The following SPAG16 variants were observed in gnomAD, a reference collection of about 807,000 sequenced individuals.
SPAG16 encodes sperm associated antigen 16.
Under a neutral mutation model 80.4 loss-of-function variants are expected in SPAG16, and 86 were observed. That is an observed-to-expected ratio of 1.07 (90% CI 0.90 to 1.28). The LOEUF is 1.28. Among genes scored for constraint, SPAG16 ranks in the 50% most tolerant of loss-of-function variants. The pLI is 0.00. For missense variants in SPAG16, 870 were observed against 765.3 expected, an observed-to-expected ratio of 1.14 and a Z score of -1.61; for synonymous variants, 294 against 265.9, an observed-to-expected ratio of 1.11 and a Z score of -1.03.
At chr2:213,933,022 G>T (rs2078835662) in intron 12 of SPAG16, among the ~76,000 whole-genome samples, 1 of 143,024 alleles carries the variant, frequency 7.0e-6, no homozygotes, top group African/African-American at 2.5e-5. Flanking sequence ...TTGGCACATG[G>T]TGGTTTACTT....
chr2:213,859,216 A>AAAAAAAAT (rs1559528013), intron 10 of SPAG16, among the ~76,000 whole-genome samples: 2 of 91,978 alleles, frequency 2.2e-5, no homozygotes, highest in Non-Finnish European at 4.5e-5. Context: ...AAAAAAAAAA[A>AAAAAAAAT]CTCAATGTCC....
Position 213,599,106 on chromosome 2 carries a change from A to G in SPAG16, c.1070+109016A>G, listed in dbSNP as rs560975540. On this transcript the variant is annotated intron_variant, in intron 10 of 15. Transcript: ENST00000331683. ...TAGTCACAACTAAAATATTCTTTCC[A>G]GAATTTAAAGACTTGAAAAACAAAT... Among the ~76,000 whole-genome samples, 9 of 152,346 alleles carry G rather than the reference A, an allele frequency of 5.9e-5. No homozygotes were observed. In the East Asian group the frequency reaches 1.2e-3, roughly 20 times the overall value.
At chr2:213,854,705 A>C (rs1156569648) in intron 10 of SPAG16, among the ~76,000 whole-genome samples, 1 of 152,214 alleles carries the variant, frequency 6.6e-6, no homozygotes, top group African/African-American at 2.4e-5. Flanking sequence ...TACCTGACAA[A>C]ATTCTTGATA....
chr2:213,602,156 G>GGGTT (rs1290540239), intron 10 of SPAG16, among the ~76,000 whole-genome samples: 5 of 152,208 alleles, frequency 3.3e-5, no homozygotes, highest in African/African-American at 4.8e-5. Flanking sequence ...TCTGTGGACT[G>GGGTT]GGGTTGGGAC....
chr2:213,808,933 G>GCA, intron 10 of SPAG16, among the ~76,000 whole-genome samples: 1 of 152,150 alleles, frequency 6.6e-6, no homozygotes, highest in Non-Finnish European at 1.5e-5. Flanking sequence ...GAAAAAAAAT[G>GCA]CACATCATAG....
At chr2:213,343,791 G>T (rs2064817868) in intron 6 of SPAG16, among the ~76,000 whole-genome samples, 1 of 152,006 alleles carries the variant, frequency 6.6e-6, no homozygotes, top group Non-Finnish European at 1.5e-5. Context: ...GATCCAACTG[G>T]TGCACAAAGA....
At chr2:213,502,772 G>T (rs2074798211) in intron 10 of SPAG16, among the ~76,000 whole-genome samples, 1 of 152,176 alleles carries the variant, frequency 6.6e-6, no homozygotes, top group African/African-American at 2.4e-5. Flanking sequence ...TATAGCAGTT[G>T]CCCACTTTCC....
intron 10 of SPAG16, among the ~76,000 whole-genome samples, chr2:213,838,347 A>G (rs1165862690): frequency 6.6e-6 from 1 of 151,936 alleles, no homozygotes; most frequent in Non-Finnish European, 1.5e-5. Context: ...ATTTTTTTGT[A>G]TTTTTAGTAG....
intron 10 of SPAG16, among the ~76,000 whole-genome samples, chr2:213,776,415 G>GA (rs1008479292): frequency 2.6e-5 from 4 of 152,188 alleles, no homozygotes; most frequent in Non-Finnish European, 5.9e-5. Context: ...AGAGCACTCA[G>GA]AAAAACATGA....
chr2:213,667,933 C>CTATT (rs368610907), intron 10 of SPAG16, among the ~76,000 whole-genome samples: 2,988 of 150,586 alleles, frequency 0.02, 45 homozygotes, highest in African/African-American at 0.038. Context: ...AAAAATTCTA[C>CTATT]TATTTATTTA....
intron 10 of SPAG16, among the ~76,000 whole-genome samples, chr2:213,583,583 C>G (rs2060365134): frequency 6.6e-6 from 1 of 151,978 alleles, no homozygotes; most frequent in African/African-American, 2.4e-5. Flanking sequence ...GTGTTAGAGG[C>G]AAATAACAGA....
intron 12 of SPAG16, among the ~76,000 whole-genome samples, chr2:213,942,037 C>T (rs1435595682): frequency 6.6e-6 from 1 of 152,036 alleles, no homozygotes; most frequent in Non-Finnish European, 1.5e-5. Context: ...TTGTTTACAC[C>T]ATTTTTTTTG....
At chr2:213,812,571 G>A (rs963042989) in intron 10 of SPAG16, among the ~76,000 whole-genome samples, 1 of 152,140 alleles carries the variant, frequency 6.6e-6, no homozygotes, top group African/African-American at 2.4e-5. Context: ...GAGGGTGCAG[G>A]GCAGTGCATT....
intron 10 of SPAG16, among the ~76,000 whole-genome samples, chr2:213,673,141 T>C (rs1157111137): frequency 2.0e-5 from 3 of 152,168 alleles, no homozygotes; most frequent in Non-Finnish European, 4.4e-5. Context: ...ACCCAAAACC[T>C]ACCACACTCA....
Position 213,567,245 on chromosome 2 carries a change from A to G in SPAG16, c.1070+77155A>G, listed in dbSNP as rs368599870. ...TGTTTGACATTGTTTTTTTTTTTTT[A>G]TTATACTCTAAGTTTTAGGGTACAT... is the stretch of plus-strand genomic sequence containing the variant. On this transcript the variant is annotated intron_variant, in intron 10 of 15. Coordinates refer to ENST00000331683, the MANE Select transcript of SPAG16 (RefSeq NM_024532.5). Among the ~76,000 whole-genome samples the G allele has an allele frequency of 1.6e-3, 69 of 42,482 alleles. 1 individual carries two copies. The highest frequency in any genetic ancestry group is 6.5e-3 in the African/African-American group (58 of 8,980). The allele number at this position is 42,482 out of a possible 152,430, so 27.9% of individuals were successfully genotyped here.
intron 9 of SPAG16, among the ~76,000 whole-genome samples, chr2:213,485,070 C>T (rs754305535): frequency 7.3e-5 from 11 of 151,320 alleles, no homozygotes; most frequent in Non-Finnish European, 1.2e-4. Flanking sequence ...TCCTGGCTCA[C>T]TGCAACCTTC....
At chr2:213,778,403 A>G (rs2069734470) in intron 10 of SPAG16, among the ~76,000 whole-genome samples, 1 of 152,220 alleles carries the variant, frequency 6.6e-6, no homozygotes, top group African/African-American at 2.4e-5. Flanking sequence ...CTAAAGTCAA[A>G]TAATCTTTGA....
intron 10 of SPAG16, among the ~76,000 whole-genome samples, chr2:213,775,673 G>A (rs924420719): frequency 7.2e-5 from 11 of 152,034 alleles, no homozygotes; most frequent in African/African-American, 1.7e-4. Context: ...TCTACTCTCC[G>A]CTTTTATGAG....
chr2:214,125,503 GT>G (rs2054429990), intron 14 of SPAG16, among the ~76,000 whole-genome samples: 1 of 151,506 alleles, frequency 6.6e-6, no homozygotes. Flanking sequence ...AAATATGATT[GT>G]TTTACTAGTG....
Sources: allele counts gnomAD v4.1 joint callset (sites outside exome capture counted in the v4.1 genomes callset), GRCh38; gene constraint gnomAD v4.1.1; transcripts MANE v1.5; gene names NCBI Gene and HGNC (gene_info 2026-07-23, HGNC 2026-07-21).